SEPTIN9: variants seen among roughly 807,000 people sequenced by gnomAD.
SEPTIN9 encodes septin 9, also known as septin-9.
In SEPTIN9, 13 loss-of-function variants were observed where a neutral mutation model predicts 56.6. The observed-to-expected ratio is 0.23, with a 90% CI of 0.15 to 0.37. SEPTIN9 has a LOEUF of 0.37. Among genes scored for constraint, SEPTIN9 ranks in the 10% least tolerant of loss-of-function variants. The probability of loss-of-function intolerance (pLI) is 1.00; values close to 1 mark genes in which losing one functional copy is unlikely to be tolerated. For synonymous variants in SEPTIN9, 332 were observed against 334.1 expected, an observed-to-expected ratio of 0.99 and a Z score of 0.07; for missense variants, 650 against 823.1, an observed-to-expected ratio of 0.79 and a Z score of 2.57.
At chr17:77,320,080 C>T (rs1383397973) in intron 2 of SEPTIN9, 16 of 1,420,066 alleles carry the variant, frequency 1.1e-5, no homozygotes, top group South Asian at 3.1e-5. Flanking sequence ...TTTTTCCTCC[C>T]GTTTTGAAGA....
Position 77,453,150 on chromosome 17 carries a change from G to A in SEPTIN9, c.722-28994G>A, listed in dbSNP as rs549369474. Among the ~76,000 whole-genome samples, 3 of 152,196 alleles carry A rather than the reference G, an allele frequency of 2.0e-5. No homozygotes were observed. The highest frequency in any genetic ancestry group is 1.9e-4 in the East Asian group (1 of 5,184). ...ATGGTGATGGGGCCAATTCAGCTGC[G>A]GTGGGGAGGACCCACTGTGTGCGCC... On this transcript the variant is annotated intron_variant, in intron 3 of 11. Transcript: ENST00000427177. This position sits in a 1 kb window ranked among gnomAD's most constrained non-coding sequence, Gnocchi z 4.4.
At chr17:77,295,505 C>T (rs536007325) in intron 1 of SEPTIN9, among the ~76,000 whole-genome samples, 1 of 152,238 alleles carries the variant, frequency 6.6e-6, no homozygotes, top group East Asian at 1.9e-4. Flanking sequence ...TCCCTTGCTT[C>T]CACCTCCCAG....
intron 2 of SEPTIN9, among the ~76,000 whole-genome samples, chr17:77,401,515 G>A (rs941288552): frequency 6.6e-6 from 1 of 152,164 alleles, no homozygotes; most frequent in Non-Finnish European, 1.5e-5. Flanking sequence ...GGAGGCCGAG[G>A]CGGGTGGATC....
chr17:77,478,365 A>G (rs983226016), intron 3 of SEPTIN9, among the ~76,000 whole-genome samples: 1 of 152,236 alleles, frequency 6.6e-6, no homozygotes, highest in Admixed American at 6.5e-5. Context: ...GCATCCCATA[A>G]TTCCACTTCT....
intron 3 of SEPTIN9, among the ~76,000 whole-genome samples, chr17:77,478,803 TAAAA>T (rs528548050): frequency 9.7e-6 from 1 of 102,682 alleles, no homozygotes; most frequent in African/African-American, 3.2e-5. Context: ...AAACTCTGTC[TAAAA>T]AAAAAAAAAA....
chr17:77,445,865 T>C lies in SEPTIN9; in HGVS notation c.722-36279T>C, dbSNP rs1466738071. The C allele has an allele frequency of 5.6e-6, 1 of 177,234 alleles. No individual in the cohort carries two copies. Among genetic ancestry groups the C allele is most frequent in the Non-Finnish European group, 1.4e-5 (1 of 73,106 alleles). The allele number at this position is 177,234 out of a possible 1,614,324, so 11.0% of individuals were successfully genotyped here. On this transcript the variant is annotated intron_variant, in intron 3 of 11. Coordinates refer to ENST00000427177, the MANE Select transcript of SEPTIN9 (RefSeq NM_001113491.2). This position sits in a 1 kb window ranked among gnomAD's most constrained non-coding sequence, Gnocchi z 4.7. Reference sequence around the variant, plus strand: ...CAGGTGGACATGTGGCAAGGACACCTTGGGACCTTCTTTCTGACGCCCCTT... The same window carrying C: ...CAGGTGGACATGTGGCAAGGACACCCTGGGACCTTCTTTCTGACGCCCCTT...
intron 4 of SEPTIN9, chr17:77,483,357 T>C (rs440357): frequency 0.57 from 87,507 of 152,828 alleles, 26,807 homozygotes; most frequent in African/African-American, 0.81. Context: ...CGGCTGCTCA[T>C]GGCCCTGCTG....
chr17:77,412,828 A>T (rs186693784), intron 3 of SEPTIN9, among the ~76,000 whole-genome samples: 228 of 152,234 alleles, frequency 1.5e-3, no homozygotes, highest in African/African-American at 5.2e-3. Context: ...TCTTCTACAC[A>T]GAACATTTTA....
intron 2 of SEPTIN9, among the ~76,000 whole-genome samples, chr17:77,358,844 G>T (rs2034333141): frequency 1.3e-5 from 2 of 152,128 alleles, no homozygotes; most frequent in Admixed American, 6.6e-5. Flanking sequence ...AGTTAGTCAA[G>T]GCACCATCTG....
intron 2 of SEPTIN9, among the ~76,000 whole-genome samples, chr17:77,383,411 T>G (rs60033407): frequency 0.024 from 3,626 of 152,194 alleles, 147 homozygotes; most frequent in East Asian, 0.17. Context: ...ATTGGGCTGC[T>G]GAGGCTCCAG....
intron 4 of SEPTIN9, chr17:77,482,724 C>A (rs392287): frequency 3.7e-6 from 2 of 543,426 alleles, no homozygotes; most frequent in African/African-American, 4.9e-5. Flanking sequence ...CCCCACCGCA[C>A]CCCGGCCAGA....
chr17:77,393,365 C>T (rs904780165), intron 2 of SEPTIN9, among the ~76,000 whole-genome samples: 37 of 152,232 alleles, frequency 2.4e-4, no homozygotes, highest in African/African-American at 7.5e-4. Flanking sequence ...AGGGCTTGGG[C>T]ACTAGGAAAG....
Position 77,451,330 on chromosome 17 carries a change from C to A in SEPTIN9, c.722-30814C>A. 1.0e-6 allele frequency: 1 copy of A among 984,050 alleles called. No individual in the cohort carries two copies. The highest frequency in any genetic ancestry group is 1.2e-6 in the Non-Finnish European group (1 of 828,344). The allele number at this position is 984,050 out of a possible 1,614,324, so 61.0% of individuals were successfully genotyped here. Reference sequence around the variant, plus strand: ...CTCCTCCTGCTCCCCTCGCCCTGCCCCCTTGGAGCAATTCCCCACCGAGCC... The same window carrying A: ...CTCCTCCTGCTCCCCTCGCCCTGCCACCTTGGAGCAATTCCCCACCGAGCC... On this transcript the variant is annotated intron_variant, in intron 3 of 11. Coordinates refer to ENST00000427177, the MANE Select transcript of SEPTIN9 (RefSeq NM_001113491.2). This position sits in a 1 kb window ranked among gnomAD's most constrained non-coding sequence, Gnocchi z 4.2.
chr17:77,491,532 G>T (rs67430905), intron 8 of SEPTIN9, among the ~76,000 whole-genome samples: 48,694 of 150,770 alleles, frequency 0.32, 8,340 homozygotes, highest in Middle Eastern at 0.54. Flanking sequence ...GAGAAGCTGG[G>T]CCAGGTGTGG....
chr17:77,379,953 G>C (rs2035077915), intron 2 of SEPTIN9, among the ~76,000 whole-genome samples: 1 of 152,096 alleles, frequency 6.6e-6, no homozygotes, highest in Non-Finnish European at 1.5e-5. Flanking sequence ...GCTCTGAGTT[G>C]CTTATGAGAC....
chr17:77,320,266 G>C (rs956735958), intron 2 of SEPTIN9: 1 of 1,611,894 alleles, frequency 6.2e-7, no homozygotes, highest in East Asian at 2.2e-5. Context: ...GGGTGAGAAA[G>C]GGGAGGCCGC....
chr17:77,498,713 C>CA lies in SEPTIN9; in HGVS notation c.*56dup, dbSNP rs886053491. The CA allele has an allele frequency of 9.9e-6, 11 of 1,115,018 alleles. No homozygotes were observed. Among genetic ancestry groups the CA allele is most frequent in the South Asian group, 2.7e-5 (2 of 75,268 alleles). The allele number at this position is 1,115,018 out of a possible 1,614,324, so 69.1% of individuals were successfully genotyped here. A position where few individuals can be genotyped will look rare whatever the true frequency, so the allele number is the denominator to read the frequency against. On this transcript the variant is annotated 3_prime_UTR_variant, in exon 12 of 12. Coordinates refer to ENST00000427177, the MANE Select transcript of SEPTIN9 (RefSeq NM_001113491.2). ...CCCCCAAGTCATTTCCGTCCCCCCCCAGGCCCTCCCACCACCCCATTTTAT... is the reference window on the plus strand; with the variant it reads ...CCCCCAAGTCATTTCCGTCCCCCCCCAAGGCCCTCCCACCACCCCATTTTAT...
At chr17:77,302,435 T>C (rs1441264535) in intron 1 of SEPTIN9, among the ~76,000 whole-genome samples, 4 of 151,896 alleles carry the variant, frequency 2.6e-5, no homozygotes. Context: ...ATCCCAGCAC[T>C]TTGGGAGGCC....
intron 2 of SEPTIN9, among the ~76,000 whole-genome samples, chr17:77,307,420 G>T (rs72880527): frequency 6.6e-6 from 1 of 152,196 alleles, no homozygotes; most frequent in African/African-American, 2.4e-5. Context: ...GGGGGCAGGG[G>T]CAGCCACCCC....
Sources: allele counts gnomAD v4.1 joint callset (sites outside exome capture counted in the v4.1 genomes callset), GRCh38; gene constraint gnomAD v4.1.1; non-coding constraint Gnocchi (gnomAD v3.1); transcripts MANE v1.5; gene names NCBI Gene and HGNC (gene_info 2026-07-23, HGNC 2026-07-21).